CSPG5: variants seen among roughly 807,000 people sequenced by gnomAD.
CSPG5 encodes the protein acidic leucine-rich EGF-like domain-containing brain protein.
Under a neutral mutation model 39.8 loss-of-function variants are expected in CSPG5, and 25 were observed. That is an observed-to-expected ratio of 0.63 (90% CI 0.46 to 0.88). The LOEUF (loss-of-function observed/expected upper bound fraction) is 0.88, where lower values mean the gene tolerates loss of function less well. Ranked by LOEUF, CSPG5 falls within the 40% of genes least tolerant of loss-of-function variation. The pLI is 0.00. For missense variants in CSPG5, 627 were observed against 702.2 expected (o/e 0.89, Z 1.21); for synonymous variants, 295 against 303.9 (o/e 0.97, Z 0.31).
chr3:47,572,933 G>C lies in CSPG5; in HGVS notation c.1194-59C>G. 1 of 1,487,514 alleles carries C rather than the reference G, an allele frequency of 6.7e-7. No individual in the cohort carries two copies. Among genetic ancestry groups the C allele is most frequent in the South Asian group, 1.2e-5 (1 of 81,192 alleles). 92.1% of individuals were successfully genotyped at this position (1,487,514 alleles called of 1,614,324 possible). On this transcript the variant is annotated intron_variant, in intron 2 of 4. Transcript: ENST00000264723. The surrounding 1 kb of genome is among the most constrained non-coding windows in gnomAD (Gnocchi z 4.5). The stretch of plus-strand genomic sequence containing the variant: ...GAGCAGGCAGCCACGGCCACAGTAA[G>C]GGCCTGGGCCCTGACCCCAACACCT...
At chr3:47,574,661 T>C (rs3772402) in intron 2 of CSPG5, among the ~76,000 whole-genome samples, 93,747 of 151,736 alleles carry the variant, frequency 0.62, 29,726 homozygotes, top group East Asian at 0.72. Context: ...GAACTTCGGC[T>C]GGGCGCGGTG....
upstream of CSPG5, chr3:47,580,132 C>T (rs970885728): frequency 2.0e-5 from 3 of 152,296 alleles, no homozygotes; most frequent in Admixed American, 6.5e-5. Context: ...GTAAACTCCT[C>T]ATGCCAGAAA....
intron 2 of CSPG5, among the ~76,000 whole-genome samples, chr3:47,576,118 G>A (rs939610468): frequency 1.3e-5 from 2 of 151,662 alleles, no homozygotes; most frequent in Non-Finnish European, 2.9e-5. Flanking sequence ...TATGTTTTTA[G>A]TAGAGACAGG....
intron 3 of CSPG5, among the ~76,000 whole-genome samples, chr3:47,570,214 C>A (rs1013033520): frequency 1.3e-5 from 2 of 151,986 alleles, no homozygotes; most frequent in Non-Finnish European, 2.9e-5. Flanking sequence ...GCCCCACGTG[C>A]ATTAGCTATT....
In CSPG5 at chr3:47,562,576, C is replaced by T. The variant is rs143520374; in HGVS notation, c.*24G>A. On this transcript the variant is annotated 3_prime_UTR_variant, in exon 5 of 5. Coordinates refer to ENST00000264723, the MANE Select transcript of CSPG5 (RefSeq NM_006574.4). ...TCCCCTACCCCCCACCCACTACCCC[C>T]GCTTCCTCTCTTCTTGCTCTGCTTT... 1,140 of 1,601,432 alleles carry T rather than the reference C, an allele frequency of 7.1e-4. 3 individuals carry two copies. In the East Asian group the frequency reaches 8.5e-3, roughly 12 times the overall value.
At chr3:47,566,514 G>A (rs2031308246) in intron 4 of CSPG5, among the ~76,000 whole-genome samples, 1 of 152,214 alleles carries the variant, frequency 6.6e-6, no homozygotes, top group East Asian at 1.9e-4. Flanking sequence ...ATGAGGTGGA[G>A]AGAATTAGAG....
chr3:47,575,840 C>T (rs939390767), intron 2 of CSPG5, among the ~76,000 whole-genome samples: 1 of 152,048 alleles, frequency 6.6e-6, no homozygotes, highest in African/African-American at 2.4e-5. Context: ...TGGGCCTACC[C>T]CTCTCACCAG....
chr3:47,578,224 A>C lies in CSPG5; in HGVS notation c.98-296T>G. 1.5e-5 allele frequency: 5 copies of C among 323,840 alleles called. No homozygotes were observed. Among genetic ancestry groups the C allele is most frequent in the African/African-American group, 2.3e-5 (1 of 44,388 alleles). 20.1% of individuals were successfully genotyped at this position (323,840 alleles called of 1,614,324 possible). ...GCGGCCCCCAGCTCGGCCCACCCAT[A>C]AGTCTCACCCTCGGGAACCCACCCT... On this transcript the variant is annotated intron_variant, in intron 1 of 4. Coordinates refer to ENST00000264723, the MANE Select transcript of CSPG5 (RefSeq NM_006574.4). This position sits in a 1 kb window ranked among gnomAD's most constrained non-coding sequence, Gnocchi z 6.0.
intron 4 of CSPG5, 77 bp from the exon 5 acceptor site, chr3:47,562,838 G>T: frequency 7.2e-7 from 1 of 1,385,128 alleles, no homozygotes; most frequent in Non-Finnish European, 9.7e-7. Flanking sequence ...TTTTCTATCT[G>T]GTTGAAGGAA....
chr3:47,565,956 C>A (rs147099357), intron 4 of CSPG5, among the ~76,000 whole-genome samples: 1 of 152,326 alleles, frequency 6.6e-6, no homozygotes, highest in Admixed American at 6.5e-5. Context: ...ACGCAAGACA[C>A]TCACACAGAC....
At chr3:47,570,954 G>C (rs2031506067) in intron 3 of CSPG5, among the ~76,000 whole-genome samples, 1 of 152,104 alleles carries the variant, frequency 6.6e-6, no homozygotes, top group African/African-American at 2.4e-5. Context: ...GGCCAACAGT[G>C]ATCATAAGAT....
intron 4 of CSPG5, among the ~76,000 whole-genome samples, chr3:47,563,579 G>A (rs1247532457): frequency 6.6e-6 from 1 of 152,144 alleles, no homozygotes. Context: ...TCTTGAGAAG[G>A]AGTCTTGCTC....
chr3:47,570,586 C>T (rs904611207), intron 3 of CSPG5, among the ~76,000 whole-genome samples: 9 of 151,846 alleles, frequency 5.9e-5, no homozygotes, highest in East Asian at 1.9e-4. Context: ...CTCGGCTCAC[C>T]GCAACCTCCA....
At chr3:47,567,657 G>A (rs1472589401) in intron 4 of CSPG5, among the ~76,000 whole-genome samples, 1 of 152,162 alleles carries the variant, frequency 6.6e-6, no homozygotes, top group Non-Finnish European at 1.5e-5. Context: ...TTTTGTGAAT[G>A]AGGCCACACA....
upstream of CSPG5, chr3:47,579,689 AG>A (rs991693942): frequency 3.3e-5 from 5 of 152,122 alleles, no homozygotes; most frequent in African/African-American, 9.7e-5. This position sits in a 1 kb window ranked among gnomAD's most constrained non-coding sequence, Gnocchi z 4.2. Flanking sequence ...TGGGTAGACC[AG>A]GGGGGTCTAG....
At position 47,578,613 on chromosome 3, in the gene CSPG5, G is replaced by T; in HGVS notation, c.81C>A (p.Ala27=). The T allele has an allele frequency of 8.6e-7, 1 of 1,165,830 alleles. No individual in the cohort carries two copies. Among genetic ancestry groups the T allele is most frequent in the Non-Finnish European group, 1.1e-6 (1 of 942,498 alleles). The allele number at this position is 1,165,830 out of a possible 1,614,324, so 72.2% of individuals were successfully genotyped here. The part of the protein sequence containing the change: ...LLFLGAALVL[A]SGAVPAREAG... ...CATACCTACCCGGCACGGCCCCAGA[G>T]GCCAGGACCAGCGCGGCCCCCAGAA... The change falls in exon 1 of 5, where the codon GCC becomes GCA. Residue 27 remains alanine (A), a synonymous_variant. Coordinates refer to ENST00000264723, the MANE Select transcript of CSPG5 (RefSeq NM_006574.4). The surrounding 1 kb of genome is among the most constrained non-coding windows in gnomAD (Gnocchi z 6.0).
intron 4 of CSPG5, among the ~76,000 whole-genome samples, chr3:47,567,096 CCT>C (rs1049342387): frequency 5.3e-5 from 8 of 152,202 alleles, no homozygotes; most frequent in African/African-American, 1.9e-4. Flanking sequence ...TTCTTTTCCC[CCT>C]CTGAGAAGAA....
At position 47,572,278 on chromosome 3, in the gene CSPG5, T is replaced by C. The variant is rs1405076668; in HGVS notation, c.1382+408A>G. Among the ~76,000 whole-genome samples, 1 of 152,132 alleles carries C rather than the reference T, an allele frequency of 6.6e-6. No homozygotes were observed. Among genetic ancestry groups the C allele is most frequent in the African/African-American group, 2.4e-5 (1 of 41,408 alleles). ...GAGATGGAGTTCCTCCACGCAGAAT[T>C]ATGAATGAAATCTCGCACTGGCCGC... On this transcript the variant is annotated intron_variant, in intron 3 of 4. Coordinates refer to ENST00000264723, the MANE Select transcript of CSPG5 (RefSeq NM_006574.4). The surrounding 1 kb of genome is among the most constrained non-coding windows in gnomAD (Gnocchi z 4.5).
chr3:47,569,371 T>C lies in CSPG5; in HGVS notation c.1383-144A>G, dbSNP rs555285384. On this transcript the variant is annotated intron_variant, in intron 3 of 4. Coordinates refer to ENST00000264723, the MANE Select transcript of CSPG5 (RefSeq NM_006574.4). Reference sequence around the variant, plus strand: ...GTAATCCTAGCACTTTGGGAGGCTATGGTGGGCAGATCACTCGAGGTCAGG... The same window carrying C: ...GTAATCCTAGCACTTTGGGAGGCTACGGTGGGCAGATCACTCGAGGTCAGG... 36 of 756,600 alleles carry C rather than the reference T, an allele frequency of 4.8e-5. 1 individual carries two copies. The highest frequency in any genetic ancestry group is 4.5e-4 in the African/African-American group (25 of 56,064). 46.9% of individuals were successfully genotyped at this position (756,600 alleles called of 1,614,324 possible). A position where few individuals can be genotyped will look rare whatever the true frequency, so the allele number is the denominator to read the frequency against.
Sources: gnomAD v4.1 joint callset for allele counts (sites outside exome capture counted in the v4.1 genomes callset) on GRCh38, gnomAD v4.1.1 for gene constraint, Gnocchi (gnomAD v3.1) non-coding constraint, MANE v1.5 for transcripts, NCBI Gene and HGNC (gene_info 2026-07-23, HGNC 2026-07-21) for gene names.